ELMO1: variants seen among roughly 807,000 people sequenced by gnomAD.
ELMO1 encodes engulfment and cell motility 1.
Under a neutral mutation model 98.9 loss-of-function variants are expected in ELMO1, and 26 were observed. That is an observed-to-expected ratio of 0.26 (90% CI 0.19 to 0.36). The LOEUF is 0.36. ELMO1 is among the 10% of genes least tolerant of loss of function. The pLI is 1.00. For synonymous variants in ELMO1, 346 were observed against 346.0 expected (o/e 1.00, Z 0.00); for missense variants, 627 against 935.2 (o/e 0.67, Z 4.30).
At chr7:37,371,389 A>G (rs966581252) in intron 1 of ELMO1, among the ~76,000 whole-genome samples, 1 of 152,214 alleles carries the variant, frequency 6.6e-6, no homozygotes, top group African/African-American at 2.4e-5. Flanking sequence ...TAAACAATGC[A>G]TAGATGTTCT....
chr7:37,257,462 C>T (rs896209835), intron 6 of ELMO1, among the ~76,000 whole-genome samples: 12 of 151,418 alleles, frequency 7.9e-5, no homozygotes, highest in South Asian at 6.3e-4. Context: ...CGGTGGCTCA[C>T]GCCTGTAATC....
intron 16 of ELMO1, among the ~76,000 whole-genome samples, chr7:36,913,620 A>G (rs1180667514): frequency 1.3e-5 from 2 of 152,240 alleles, no homozygotes; most frequent in Non-Finnish European, 2.9e-5. Flanking sequence ...ATAATAACAA[A>G]GCCTGAACAT....
At chr7:37,365,334 T>C (rs16879650) in intron 1 of ELMO1, among the ~76,000 whole-genome samples, 2,539 of 152,226 alleles carry the variant, frequency 0.017, 69 homozygotes, top group African/African-American at 0.058. Context: ...ATGGGCAAGA[T>C]AAGAGTGGAC....
chr7:36,972,222 C>G (rs970801593), intron 16 of ELMO1, among the ~76,000 whole-genome samples: 1 of 152,322 alleles, frequency 6.6e-6, no homozygotes, highest in Non-Finnish European at 1.5e-5. Context: ...GGACTTAAAC[C>G]CAAGAGCTCT....
intron 13 of ELMO1, among the ~76,000 whole-genome samples, chr7:37,189,308 C>G (rs748225441): frequency 6.6e-6 from 1 of 152,182 alleles, no homozygotes; most frequent in Non-Finnish European, 1.5e-5. Flanking sequence ...CCTCCATCAA[C>G]AGATGGAGAT....
chr7:37,142,973 C>T (rs1787738205), intron 13 of ELMO1, among the ~76,000 whole-genome samples: 1 of 152,148 alleles, frequency 6.6e-6, no homozygotes. Context: ...TTTTATCAAT[C>T]ACACCCCTCC....
chr7:37,278,458 A>G (rs1166997145), intron 4 of ELMO1, among the ~76,000 whole-genome samples: 1 of 152,022 alleles, frequency 6.6e-6, no homozygotes, highest in Non-Finnish European at 1.5e-5. Context: ...GCAGTGATCT[A>G]TGATCCCACT....
At chr7:36,973,916 A>T (rs147482749) in intron 16 of ELMO1, among the ~76,000 whole-genome samples, 2,209 of 152,336 alleles carry the variant, frequency 0.015, 55 homozygotes, top group African/African-American at 0.051. Context: ...TGGGTCCCCC[A>T]GCAGTGCCAG....
At chr7:36,985,170 C>T (rs1229616861) in intron 16 of ELMO1, 2 of 929,014 alleles carry the variant, frequency 2.2e-6, no homozygotes, top group East Asian at 1.2e-4. Context: ...AGCAATAGCT[C>T]AGAGCATCCC....
intron 13 of ELMO1, among the ~76,000 whole-genome samples, chr7:37,166,910 G>T (rs1178176144): frequency 1.3e-5 from 2 of 151,970 alleles, no homozygotes; most frequent in African/African-American, 4.8e-5. Flanking sequence ...TTTCTATCTC[G>T]TCGATCTGTC....
At chr7:37,137,940 T>C (rs1219252714) in intron 13 of ELMO1, among the ~76,000 whole-genome samples, 3 of 152,204 alleles carry the variant, frequency 2.0e-5, no homozygotes, top group Non-Finnish European at 4.4e-5. Context: ...CACAAAACCA[T>C]GCAAACACAT....
chr7:37,246,500 T>C (rs1795012687), intron 6 of ELMO1, among the ~76,000 whole-genome samples: 1 of 152,092 alleles, frequency 6.6e-6, no homozygotes, highest in African/African-American at 2.4e-5. Flanking sequence ...CCATGTGCCA[T>C]CAACAGGACG....
chr7:37,421,486 T>C (rs1171520415), intron 1 of ELMO1, among the ~76,000 whole-genome samples: 1 of 152,212 alleles, frequency 6.6e-6, no homozygotes, highest in African/African-American at 2.4e-5. Flanking sequence ...CAAGTTCCTT[T>C]GGGCCACGAT....
chr7:36,989,815 T>C (rs1791752670), intron 16 of ELMO1, among the ~76,000 whole-genome samples: 1 of 152,194 alleles, frequency 6.6e-6, no homozygotes, highest in Non-Finnish European at 1.5e-5. Context: ...CAGATGTTAT[T>C]AGAACCATCA....
At chr7:37,366,299 T>C (rs1583632703) in intron 1 of ELMO1, among the ~76,000 whole-genome samples, 1 of 152,298 alleles carries the variant, frequency 6.6e-6, no homozygotes, top group Non-Finnish European at 1.5e-5. Context: ...AAATTATTAT[T>C]AATAATCGTT....
At chr7:36,974,030 G>C (rs900863777) in intron 16 of ELMO1, among the ~76,000 whole-genome samples, 1 of 152,222 alleles carries the variant, frequency 6.6e-6, no homozygotes, top group Non-Finnish European at 1.5e-5. Flanking sequence ...CCCCCACTCC[G>C]TGGGCTCCTG....
chr7:37,259,686 A>G (rs1437000041), intron 5 of ELMO1, among the ~76,000 whole-genome samples: 5 of 152,234 alleles, frequency 3.3e-5, no homozygotes, highest in Non-Finnish European at 1.5e-5. Flanking sequence ...AAGGGGAAGT[A>G]TTTACCCTTT....
chr7:36,868,934 T>A (rs1355668112), intron 20 of ELMO1, among the ~76,000 whole-genome samples: 1 of 152,160 alleles, frequency 6.6e-6, no homozygotes. Context: ...GCAGAGCCCG[T>A]GCTCTCCGAG....
intron 6 of ELMO1, among the ~76,000 whole-genome samples, chr7:37,256,317 T>C (rs1230381112): frequency 6.6e-6 from 1 of 152,152 alleles, no homozygotes; most frequent in Non-Finnish European, 1.5e-5. Flanking sequence ...CACCCAGGCC[T>C]GTTTGTCGGT....
Sources: allele counts gnomAD v4.1 joint callset (sites outside exome capture counted in the v4.1 genomes callset), GRCh38; gene constraint gnomAD v4.1.1; transcripts MANE v1.5; gene names NCBI Gene and HGNC (gene_info 2026-07-23, HGNC 2026-07-21).